Variants in KCNJ16 observed in about 807,000 individuals in gnomAD.
KCNJ16 encodes inward rectifier potassium channel 16.
KCNJ16 carries 15 observed loss-of-function variants against 18.5 expected under a neutral mutation model. The ratio of observed to expected loss-of-function variants is 0.81; its 90% CI spans 0.54 to 1.25. The LOEUF (loss-of-function observed/expected upper bound fraction) is 1.25. Among genes scored for constraint, KCNJ16 ranks in the 50% most tolerant of loss-of-function variants. The pLI, the probability that KCNJ16 is intolerant of heterozygous loss-of-function variation, is 0.00. For missense variants in KCNJ16, 523 were observed against 525.7 expected, an observed-to-expected ratio of 0.99 and a Z score of 0.05; for synonymous variants, 174 against 186.5, an observed-to-expected ratio of 0.93 and a Z score of 0.55.
In KCNJ16 at chr17:70,135,328, T is replaced by A. The variant is rs968186355; in HGVS notation, c.*1984T>A. The stretch of plus-strand genomic sequence containing the variant: ...AAAAACACTTAAAAATATTTTTAGC[T>A]TGTTTTACCTACATCTAGTTTCATT... On this transcript the variant is annotated 3_prime_UTR_variant, in exon 4 of 4. Coordinates refer to ENST00000392671, the MANE Select transcript of KCNJ16 (RefSeq NM_170741.4). 1 of 167,082 alleles carries A rather than the reference T, an allele frequency of 6.0e-6. No homozygotes were observed. Among genetic ancestry groups the A allele is most frequent in the Non-Finnish European group, 1.5e-5 (1 of 68,126 alleles). The allele number at this position is 167,082 out of a possible 1,614,324, so 10.3% of individuals were successfully genotyped here.
At chr17:70,093,718 A>C (rs895466222) in intron 1 of KCNJ16, among the ~76,000 whole-genome samples, 3 of 152,154 alleles carry the variant, frequency 2.0e-5, no homozygotes, top group African/African-American at 7.2e-5. Context: ...TCTTACTAAT[A>C]ATTCTTTCTT....
intron 1 of KCNJ16, among the ~76,000 whole-genome samples, chr17:70,082,263 G>A (rs1355272727): frequency 6.6e-6 from 1 of 152,180 alleles, no homozygotes; most frequent in Non-Finnish European, 1.5e-5. Context: ...ACAGATTTGG[G>A]GAAATGTGAG....
intron 1 of KCNJ16, among the ~76,000 whole-genome samples, chr17:70,091,388 A>G (rs2072084090): frequency 6.6e-6 from 1 of 152,178 alleles, no homozygotes; most frequent in Admixed American, 6.5e-5. Context: ...ATACATCATA[A>G]ATTTGCTAAC....
At chr17:70,120,735 G>A (rs1386028527) in intron 2 of KCNJ16, among the ~76,000 whole-genome samples, 2 of 152,158 alleles carry the variant, frequency 1.3e-5, no homozygotes, top group Non-Finnish European at 2.9e-5. Context: ...CAAGCCATGA[G>A]AGATCTGTCT....
intron 2 of KCNJ16, among the ~76,000 whole-genome samples, chr17:70,107,802 T>G (rs968701043): frequency 1.3e-5 from 2 of 152,138 alleles, no homozygotes; most frequent in African/African-American, 4.8e-5. Flanking sequence ...CTCATAAAAT[T>G]GGAGTGCTAT....
chr17:70,096,880 G>A (rs2072400210), intron 1 of KCNJ16: 1 of 398,298 alleles, frequency 2.5e-6, no homozygotes. Context: ...TGTTTAGAGT[G>A]TAGACCAACC....
At chr17:70,096,761 C>G in intron 1 of KCNJ16, 1 of 384,376 alleles carries the variant, frequency 2.6e-6, no homozygotes, top group Non-Finnish European at 4.6e-6. Flanking sequence ...CATCTCAGAG[C>G]GAGCGTGAAT....
intron 1 of KCNJ16, among the ~76,000 whole-genome samples, chr17:70,081,519 G>T (rs2071551913): frequency 1.3e-5 from 2 of 152,170 alleles, no homozygotes; most frequent in African/African-American, 4.8e-5. Context: ...CTTTCCACAT[G>T]CAGGAATCAA....
In KCNJ16 at chr17:70,125,110, TA is replaced by T. The variant is rs530654466; in HGVS notation, c.-190-5763del. On this transcript the variant is annotated intron_variant, in intron 2 of 3. Transcript: ENST00000392671. ...GCGGGACCCTATCTCTAAAAATAAA[TA>T]AAAAATTAGCCAGCCATAGTGGCAC... Among the ~76,000 whole-genome samples the T allele has an allele frequency of 4.4e-4, 66 of 151,592 alleles. 2 individuals are homozygous for T. The South Asian group carries it at 0.011, about 26-fold the overall frequency.
At chr17:70,088,021 CAAAA>C (rs10661960) in intron 1 of KCNJ16, among the ~76,000 whole-genome samples, 2 of 79,470 alleles carry the variant, frequency 2.5e-5, no homozygotes, top group East Asian at 4.3e-4. Flanking sequence ...GACTCTGTCT[CAAAA>C]AAAAAAAAAA....
intron 2 of KCNJ16, chr17:70,128,283 A>G (rs2073928559): frequency 6.6e-6 from 1 of 152,260 alleles, no homozygotes; most frequent in Admixed American, 6.5e-5. Context: ...AAGATTTAGA[A>G]AGCTGAGGCC....
intron 2 of KCNJ16, chr17:70,108,406 G>C (rs2073028904): frequency 6.6e-6 from 1 of 152,220 alleles, no homozygotes; most frequent in Non-Finnish European, 1.5e-5. Flanking sequence ...GCTGACATGA[G>C]GGGTAATGAG....
intron 2 of KCNJ16, among the ~76,000 whole-genome samples, chr17:70,119,253 G>A (rs1160870641): frequency 6.6e-6 from 1 of 152,236 alleles, no homozygotes; most frequent in Non-Finnish European, 1.5e-5. Flanking sequence ...GTCACAGGTT[G>A]TTGAATGCAT....
rs1200751652 is a variant in KCNJ16 at position 70,132,403 on chromosome 17, C to A, written c.316C>A (p.Pro106Thr). The A allele has an allele frequency of 6.2e-7, 1 of 1,614,122 alleles. No individual in the cohort carries two copies. The highest frequency in any genetic ancestry group is 1.7e-5 in the Admixed American group (1 of 60,016). The change falls in exon 4 of 4, where the codon CCA becomes ACA. Residue 106 changes from proline (P) to threonine (T), a missense_variant. By Grantham distance (38) the Pro-to-Thr change is conservative. Coordinates refer to ENST00000392671, the MANE Select transcript of KCNJ16 (RefSeq NM_170741.4). ...TCATCATGGCGATCTATTAAATGAT[C>A]CAGACATCACACCTTGTGTTGACAA... ...AFHHGDLLNDPDITPCVDNVH... is the reference protein window; with the variant it reads ...AFHHGDLLNDTDITPCVDNVH...
chr17:70,126,095 G>A (rs1451144465), intron 2 of KCNJ16, among the ~76,000 whole-genome samples: 1 of 152,148 alleles, frequency 6.6e-6, no homozygotes, highest in Non-Finnish European at 1.5e-5. Context: ...TGGGGGAGAT[G>A]TGCTTTACTA....
intron 2 of KCNJ16, among the ~76,000 whole-genome samples, chr17:70,120,148 C>T (rs62081372): frequency 1.8e-4 from 27 of 152,342 alleles, no homozygotes; most frequent in African/African-American, 6.5e-4. Context: ...AGGCACAATG[C>T]AGCCAAGTTC....
chr17:70,113,501 C>T lies in KCNJ16; in HGVS notation c.-191+12735C>T, dbSNP rs181229107. ...ACAAAGATGTGTCCATAGTTTTTTC[C>T]AGTCCCTTACTGTCATTGGTGTATT... On this transcript the variant is annotated intron_variant, in intron 2 of 3. Transcript: ENST00000392671. Among the ~76,000 whole-genome samples the T allele has an allele frequency of 2.0e-5, 3 of 152,136 alleles. No individual in the cohort carries two copies. In the East Asian group the frequency reaches 5.8e-4, roughly 29 times the overall value.
chr17:70,105,578 A>G (rs1004558271), intron 2 of KCNJ16, among the ~76,000 whole-genome samples: 1 of 152,232 alleles, frequency 6.6e-6, no homozygotes, highest in Non-Finnish European at 1.5e-5. Context: ...CTTCACAACT[A>G]AAAATATAGA....
At chr17:70,107,840 C>T (rs1007900977) in intron 2 of KCNJ16, among the ~76,000 whole-genome samples, 2 of 152,088 alleles carry the variant, frequency 1.3e-5, no homozygotes, top group African/African-American at 4.8e-5. Context: ...AATGGCATAA[C>T]ATAAAACCTT....
Sources: allele counts gnomAD v4.1 joint callset (sites outside exome capture counted in the v4.1 genomes callset), GRCh38; gene constraint gnomAD v4.1.1; transcripts MANE v1.5; gene names NCBI Gene and HGNC (gene_info 2026-07-23, HGNC 2026-07-21).